GSE1: variants seen among roughly 807,000 people sequenced by gnomAD.
GSE1 encodes Gse1 coiled-coil protein, also known as genetic suppressor element 1.
Under a neutral mutation model 112.6 loss-of-function variants are expected in GSE1, and 32 were observed. That is an observed-to-expected ratio of 0.28 (90% confidence interval 0.21 to 0.38). The LOEUF (loss-of-function observed/expected upper bound fraction) is 0.38, where lower values mean the gene tolerates loss of function less well. Among genes scored for constraint, GSE1 ranks in the 10% least tolerant of loss-of-function variants. GSE1 has a pLI of 1.00. For synonymous variants in GSE1, 1,115 were observed against 735.6 expected (o/e 1.52, Z -8.35); for missense variants, 2,348 against 1,699.2 (o/e 1.38, Z -6.71).
At chr16:85,528,312 TTTTG>T (rs147087232) in intron 2 of GSE1, among the ~76,000 whole-genome samples, 14,621 of 151,560 alleles carry the variant, frequency 0.096, 1,092 homozygotes, top group African/African-American at 0.21. Flanking sequence ...CTGGGGTTGT[TTTTG>T]TTTGTTTGTT....
At chr16:85,302,785 TG>T (rs1336349705) in intron 1 of GSE1, among the ~76,000 whole-genome samples, 27 of 152,204 alleles carry the variant, frequency 1.8e-4, no homozygotes, top group African/African-American at 6.5e-4. Context: ...TTCTTGGCCT[TG>T]GCCTTGTCGA....
intron 1 of GSE1, chr16:85,556,402 C>T (rs1331731404): frequency 2.0e-5 from 19 of 954,860 alleles, no homozygotes; most frequent in Non-Finnish European, 2.4e-5. Flanking sequence ...CCGCGCGGCG[C>T]CGGCGCGCCC....
intron 2 of GSE1, among the ~76,000 whole-genome samples, chr16:85,512,423 G>A (rs533609403): frequency 6.6e-5 from 10 of 152,334 alleles, no homozygotes; most frequent in African/African-American, 2.4e-4. Flanking sequence ...CTGCGAGCCA[G>A]GACAGCCTGT....
At chr16:85,611,959 C>T (rs1359634369), upstream of GSE1, among the ~76,000 whole-genome samples, 3 of 151,964 alleles carry the variant, frequency 2.0e-5, no homozygotes, top group Non-Finnish European at 4.4e-5. Context: ...AGGTTTGGGG[C>T]TGGCACGAGG....
intron 1 of GSE1, among the ~76,000 whole-genome samples, chr16:85,273,734 G>C (rs1262610045): frequency 1.3e-5 from 2 of 152,050 alleles, no homozygotes; most frequent in Non-Finnish European, 2.9e-5. Context: ...TTGTCGCCCA[G>C]TCTGGAGTGC....
chr16:85,648,848 C>T (rs2051098593), intron 3 of GSE1, 97 bp downstream of exon 3: 1 of 649,210 alleles, frequency 1.5e-6, no homozygotes, highest in Non-Finnish European at 2.5e-6. Flanking sequence ...GTTGAGTTTA[C>T]ATTCCAGACA....
chr16:85,619,779 C>G (rs2048614674), intron 1 of GSE1, among the ~76,000 whole-genome samples: 1 of 152,140 alleles, frequency 6.6e-6, no homozygotes, highest in African/African-American at 2.4e-5. Context: ...CAGGGAGGGA[C>G]TGACTTGCTA....
At chr16:85,170,399 T>G in exon 1 of GSE1, 1 of 985,454 alleles carries the variant, frequency 1.0e-6, no homozygotes, top group South Asian at 4.7e-5. Flanking sequence ...GCAGACGGCA[T>G]GAAAGGGCCT....
chr16:85,520,468 G>A (rs952779718), intron 2 of GSE1, among the ~76,000 whole-genome samples: 8 of 149,872 alleles, frequency 5.3e-5, no homozygotes, highest in African/African-American at 2.0e-4. Context: ...TGTCACTCTT[G>A]TCACCCAGGC....
intron 1 of GSE1, among the ~76,000 whole-genome samples, chr16:85,306,057 C>T (rs530746057): frequency 1.6e-4 from 24 of 152,080 alleles, no homozygotes; most frequent in Non-Finnish European, 1.9e-4. Context: ...TGCCACTGCA[C>T]TCCAGTCTGG....
At chr16:85,418,729 A>G (rs1477866329) in intron 2 of GSE1, among the ~76,000 whole-genome samples, 1 of 152,172 alleles carries the variant, frequency 6.6e-6, no homozygotes, top group Non-Finnish European at 1.5e-5. Flanking sequence ...TGAGGAATAG[A>G]AAAAGGGGGA....
chr16:85,529,123 G>C (rs535404311), intron 2 of GSE1, among the ~76,000 whole-genome samples: 3 of 152,164 alleles, frequency 2.0e-5, no homozygotes, highest in African/African-American at 7.2e-5. Flanking sequence ...GTCCAGGGGG[G>C]TCGGACCGGG....
At chr16:85,250,359 G>T (rs1168347242) in intron 1 of GSE1, among the ~76,000 whole-genome samples, 1 of 152,202 alleles carries the variant, frequency 6.6e-6, no homozygotes, top group African/African-American at 2.4e-5. Flanking sequence ...CCGGCTGGCA[G>T]TTTACAAACA....
chr16:85,371,367 C>G (rs1013116947), intron 2 of GSE1, among the ~76,000 whole-genome samples: 1 of 152,176 alleles, frequency 6.6e-6, no homozygotes, highest in African/African-American at 2.4e-5. Context: ...GGACAGAAGA[C>G]GGAGATAGCA....
chr16:85,461,364 C>T (rs1246527120), intron 2 of GSE1, among the ~76,000 whole-genome samples: 2 of 152,152 alleles, frequency 1.3e-5, no homozygotes, highest in Non-Finnish European at 2.9e-5. Flanking sequence ...AACCCCCACT[C>T]CCCCTTTGAG....
rs980636681 is a variant in GSE1, at chr16:85,656,503, G to A, written c.1150G>A (p.Glu384Lys). ...EREREKERER[E>K]LERQREQRAR... ...TGAGCGTGAGAAGGAGCGCGAGCGCGAGCTGGAGCGCCAGCGGGAGCAGCG... is the reference window on the plus strand; with the variant it reads ...TGAGCGTGAGAAGGAGCGCGAGCGCAAGCTGGAGCGCCAGCGGGAGCAGCG... Residue 384 changes from glutamate (E) to lysine (K), a missense_variant, in exon 7 of 16, where the codon GAG (glutamate) becomes AAG (lysine). Physicochemically the swap from Glu to Lys is moderately conservative, Grantham distance 56. Transcript: ENST00000253458. 82 of 1,547,744 alleles carry A rather than the reference G, an allele frequency of 5.3e-5. No individual in the cohort carries two copies. The highest frequency in any genetic ancestry group is 6.9e-5 in the African/African-American group (5 of 72,980).
chr16:85,180,569 C>G (rs562988403), intron 1 of GSE1, among the ~76,000 whole-genome samples: 3 of 152,366 alleles, frequency 2.0e-5, no homozygotes, highest in South Asian at 4.1e-4. Flanking sequence ...CTGCATTGCC[C>G]CACGTGACTG....
chr16:85,230,778 T>C (rs1441702805), intron 1 of GSE1, among the ~76,000 whole-genome samples: 2 of 152,156 alleles, frequency 1.3e-5, no homozygotes, highest in African/African-American at 2.4e-5. Flanking sequence ...GAGGGACAGA[T>C]GCTGATTAGA....
At chr16:85,459,953 A>G (rs761947179) in intron 2 of GSE1, among the ~76,000 whole-genome samples, 3 of 152,186 alleles carry the variant, frequency 2.0e-5, no homozygotes, top group Non-Finnish European at 2.9e-5. Context: ...GGCTCCTCTC[A>G]GGAGCTTCTC....
Sources: gnomAD v4.1 joint callset for allele counts (sites outside exome capture counted in the v4.1 genomes callset) on GRCh38, gnomAD v4.1.1 for gene constraint, MANE v1.5 for transcripts, NCBI Gene and HGNC (gene_info 2026-07-23, HGNC 2026-07-21) for gene names.